Variants in PAQR5 observed in about 807,000 individuals in gnomAD.
The protein encoded by PAQR5 is progestin and adipoQ receptor family member 5.
PAQR5 carries 20 observed loss-of-function variants against 34.5 expected under a neutral mutation model. That is an observed-to-expected ratio of 0.58 (90% CI 0.41 to 0.84). PAQR5 has a LOEUF of 0.84. PAQR5 is among the 40% of genes least tolerant of loss of function. The pLI is 0.00. For missense variants in PAQR5, 378 were observed against 412.7 expected, an observed-to-expected ratio of 0.92 and a Z score of 0.73; for synonymous variants, 131 against 155.6, an observed-to-expected ratio of 0.84 and a Z score of 1.18.
chr15:69,327,281 T>G (rs2140645516), intron 1 of PAQR5, among the ~76,000 whole-genome samples: 1 of 152,220 alleles, frequency 6.6e-6, no homozygotes, highest in Admixed American at 6.5e-5. Flanking sequence ...TGTGAGCCAC[T>G]GCGCCCACCA....
chr15:69,354,785 G>C (rs1452047919), intron 2 of PAQR5, among the ~76,000 whole-genome samples: 3 of 152,112 alleles, frequency 2.0e-5, no homozygotes, highest in African/African-American at 7.2e-5. Context: ...TGGACCAAGT[G>C]GGGAAGATCC....
rs1237716433 is a variant in PAQR5, at chr15:69,300,708, CTT to C, written c.-277+1654_-277+1655del. On this transcript the variant is annotated intron_variant, in intron 1 of 8. Coordinates refer to ENST00000395407, the MANE Select transcript of PAQR5 (RefSeq NM_017705.4). ...CCTCCCTCCCTCTCTCTCTCTCTTT[CTT>C]TCTTTCTTTCTTTCTTTCTTTCTTT... Among the ~76,000 whole-genome samples the C allele has an allele frequency of 2.1e-3, 15 of 7,270 alleles. 3 individuals carry two copies. Among genetic ancestry groups the C allele is most frequent in the South Asian group, 9.1e-3 (3 of 328 alleles). The allele number at this position is 7,270 out of a possible 152,430, so 4.8% of individuals were successfully genotyped here. A position where few individuals can be genotyped will look rare whatever the true frequency, so the allele number is the denominator to read the frequency against.
At chr15:69,374,994 C>T (rs2055667425) in intron 3 of PAQR5, among the ~76,000 whole-genome samples, 1 of 152,180 alleles carries the variant, frequency 6.6e-6, no homozygotes, top group Non-Finnish European at 1.5e-5. Flanking sequence ...CACCACACTG[C>T]AGTAAGGTGC....
chr15:69,384,854 C>CT lies in PAQR5; in HGVS notation c.358dup (p.Tyr120LeufsTer31). The CT allele has an allele frequency of 6.2e-7, 1 of 1,614,048 alleles. No individual in the cohort carries two copies. Among genetic ancestry groups the CT allele is most frequent in the Non-Finnish European group, 8.5e-7 (1 of 1,179,956 alleles). ...CCCGGCACATTTGCTACTTCCTGGA[C>CT]TATGGTGCCGTCAACCTCTTCAGCC... On this transcript the variant is annotated frameshift_variant, in exon 5 of 9. Transcript: ENST00000395407. LOFTEE classifies it high-confidence loss of function.
chr15:69,389,077 C>G (rs902547786), intron 5 of PAQR5, among the ~76,000 whole-genome samples: 1 of 152,252 alleles, frequency 6.6e-6, no homozygotes, highest in African/African-American at 2.4e-5. Flanking sequence ...AACCTCTCAG[C>G]TGGTCTGTCT....
At chr15:69,307,098 ATT>A (rs10711358) in intron 1 of PAQR5, among the ~76,000 whole-genome samples, 3,653 of 147,564 alleles carry the variant, frequency 0.025, 156 homozygotes, top group African/African-American at 0.08. Flanking sequence ...TATACATCAT[ATT>A]TTTTTTTTTT....
At chr15:69,326,848 C>T (rs1312645314) in intron 1 of PAQR5, among the ~76,000 whole-genome samples, 3 of 129,864 alleles carry the variant, frequency 2.3e-5, no homozygotes, top group East Asian at 2.7e-4. Context: ...TAACATCTTG[C>T]GTTAGTGTGT....
chr15:69,333,693 AT>A (rs1310810723), intron 1 of PAQR5, among the ~76,000 whole-genome samples: 1 of 152,144 alleles, frequency 6.6e-6, no homozygotes, highest in Non-Finnish European at 1.5e-5. Flanking sequence ...GGCACCCTTA[AT>A]TTTGGGGATC....
At chr15:69,395,172 C>T (rs1323908821) in intron 6 of PAQR5, among the ~76,000 whole-genome samples, 2 of 152,120 alleles carry the variant, frequency 1.3e-5, no homozygotes, top group Non-Finnish European at 2.9e-5. Flanking sequence ...CAGGGTCTGC[C>T]GGAGGACTAA....
intron 3 of PAQR5, among the ~76,000 whole-genome samples, chr15:69,363,692 A>G (rs1332060532): frequency 6.6e-6 from 1 of 151,786 alleles, no homozygotes; most frequent in Non-Finnish European, 1.5e-5. Context: ...AGCTGGGACT[A>G]CAGGTGCACG....
chr15:69,325,157 C>T (rs1417223585), intron 1 of PAQR5, among the ~76,000 whole-genome samples: 1 of 152,202 alleles, frequency 6.6e-6, no homozygotes, highest in Non-Finnish European at 1.5e-5. Context: ...GCTCAGCCTC[C>T]CAGTGTGCTG....
chr15:69,341,133 A>G (rs2054629440), intron 2 of PAQR5, among the ~76,000 whole-genome samples: 1 of 151,994 alleles, frequency 6.6e-6, no homozygotes, highest in African/African-American at 2.4e-5. Flanking sequence ...TCATCTTCCC[A>G]AATAGAAACT....
At chr15:69,343,784 A>T (rs1013959412) in intron 2 of PAQR5, among the ~76,000 whole-genome samples, 1 of 152,196 alleles carries the variant, frequency 6.6e-6, no homozygotes, top group African/African-American at 2.4e-5. Context: ...TAGTGTCTGA[A>T]GTTGATTGAA....
At chr15:69,365,549 C>A (rs1481204380) in intron 3 of PAQR5, among the ~76,000 whole-genome samples, 1 of 152,074 alleles carries the variant, frequency 6.6e-6, no homozygotes, top group Non-Finnish European at 1.5e-5. Flanking sequence ...TTAAATACAG[C>A]TTGATTGTGA....
At chr15:69,374,434 G>A (rs8025288) in intron 3 of PAQR5, among the ~76,000 whole-genome samples, 1 of 152,146 alleles carries the variant, frequency 6.6e-6, no homozygotes, top group African/African-American at 2.4e-5. Flanking sequence ...CCAGCATTTT[G>A]GGAGGCCAAG....
Position 69,321,298 on chromosome 15 carries a change from A to AAGAT in PAQR5, c.-276-16042_-276-16039dup, listed in dbSNP as rs546836669. On this transcript the variant is annotated intron_variant, in intron 1 of 8. Coordinates refer to ENST00000395407, the MANE Select transcript of PAQR5 (RefSeq NM_017705.4). ...TTCTCTCATTTTCAAAGCATATACA[A>AAGAT]AGATTGAGAGATTAGTAGATTAACT... Among the ~76,000 whole-genome samples the AAGAT allele has an allele frequency of 6.6e-5, 10 of 152,354 alleles. No homozygotes were observed. The South Asian group carries it at 1.9e-3, about 28-fold the overall frequency.
At chr15:69,392,328 G>A (rs757944447) in intron 6 of PAQR5, among the ~76,000 whole-genome samples, 13 of 152,112 alleles carry the variant, frequency 8.5e-5, no homozygotes, top group Non-Finnish European at 1.3e-4. Flanking sequence ...CAGATATAAC[G>A]GATGGGGTCT....
At position 69,385,012 on chromosome 15, in the gene PAQR5, G is replaced by C; in HGVS notation, c.385+130G>C. On this transcript the variant is annotated intron_variant, in intron 5 of 8. Transcript: ENST00000395407. This position sits in a 1 kb window ranked among gnomAD's most constrained non-coding sequence, Gnocchi z 4.7. ...ATCCAGGGATTATGCCAGTGCCCCT[G>C]TCCAGGTTCCCAATGGGTGTTTTAT... The C allele has an allele frequency of 3.0e-6, 2 of 662,544 alleles. No homozygotes were observed. Among genetic ancestry groups the C allele is most frequent in the Non-Finnish European group, 5.3e-6 (2 of 379,494 alleles). 41.0% of individuals were successfully genotyped at this position (662,544 alleles called of 1,614,324 possible).
chr15:69,405,642 C>T lies in PAQR5; in HGVS notation c.*1820C>T. 6.6e-6 allele frequency: 1 copy of T among 152,146 alleles called. No homozygotes were observed. Among genetic ancestry groups the T allele is most frequent in the South Asian group, 2.1e-4 (1 of 4,836 alleles). The allele number at this position is 152,146 out of a possible 1,614,324, so 9.4% of individuals were successfully genotyped here. On this transcript the variant is annotated 3_prime_UTR_variant, in exon 9 of 9. Coordinates refer to ENST00000395407, the MANE Select transcript of PAQR5 (RefSeq NM_017705.4). ...CAAAAAAAGGTACAAAGTTTAAATA[C>T]CCCTTTCTAGTAATGCCAAAGACAT...
Sources: gnomAD v4.1 joint callset for allele counts (sites outside exome capture counted in the v4.1 genomes callset) on GRCh38, gnomAD v4.1.1 for gene constraint, Gnocchi (gnomAD v3.1) non-coding constraint, MANE v1.5 for transcripts, NCBI Gene and HGNC (gene_info 2026-07-23, HGNC 2026-07-21) for gene names.